The following TGFBR3 variants were observed in gnomAD, a reference collection of about 807,000 sequenced individuals.
The protein encoded by TGFBR3 is transforming growth factor beta receptor type 3.
In TGFBR3, 46 loss-of-function variants were observed where a neutral mutation model predicts 87.9. That is an observed-to-expected ratio of 0.52 (90% confidence interval 0.41 to 0.67). TGFBR3 has a LOEUF of 0.67. Ranked by LOEUF, TGFBR3 falls within the 30% of genes least tolerant of loss-of-function variation. TGFBR3 has a pLI of 0.00. For missense variants in TGFBR3, 866 were observed against 1,041.9 expected, an observed-to-expected ratio of 0.83 and a Z score of 2.32; for synonymous variants, 381 against 391.6, an observed-to-expected ratio of 0.97 and a Z score of 0.32.
At chr1:91,743,763 T>C (rs1673235768) in intron 4 of TGFBR3, among the ~76,000 whole-genome samples, 1 of 152,230 alleles carries the variant, frequency 6.6e-6, no homozygotes, top group Admixed American at 6.5e-5. Context: ...CTGAGAAGGA[T>C]TCTGAGGTCA....
chr1:91,719,168 AT>A, intron 10 of TGFBR3, 143 bp downstream of exon 10: 1 of 1,091,072 alleles, frequency 9.2e-7, no homozygotes. Context: ...AAGTACATCC[AT>A]TTTGTTGAGA....
chr1:91,725,304 T>C (rs567445915), intron 7 of TGFBR3, among the ~76,000 whole-genome samples: 1 of 152,332 alleles, frequency 6.6e-6, no homozygotes, highest in South Asian at 2.1e-4. Flanking sequence ...TCAGACTCCT[T>C]ACAATTCCCT....
At chr1:91,776,578 A>T (rs1199055106) in intron 3 of TGFBR3, among the ~76,000 whole-genome samples, 1 of 152,178 alleles carries the variant, frequency 6.6e-6, no homozygotes, top group East Asian at 1.9e-4. Context: ...GGTGTTGAAA[A>T]AAACAAATAA....
intron 2 of TGFBR3, among the ~76,000 whole-genome samples, chr1:91,839,533 G>A (rs1388545240): frequency 6.6e-6 from 1 of 152,200 alleles, no homozygotes; most frequent in African/African-American, 2.4e-5. Flanking sequence ...AACGTCACTA[G>A]TAATAATTCC....
intron 2 of TGFBR3, among the ~76,000 whole-genome samples, chr1:91,798,005 C>T (rs1277170154): frequency 6.6e-6 from 1 of 152,106 alleles, no homozygotes; most frequent in Non-Finnish European, 1.5e-5. Context: ...GGCCAGAGGT[C>T]AGAAAAATCC....
intron 14 of TGFBR3, among the ~76,000 whole-genome samples, chr1:91,703,079 T>C (rs1374263466): frequency 1.3e-5 from 2 of 151,716 alleles, no homozygotes; most frequent in Admixed American, 6.6e-5. Context: ...AAATACACGA[T>C]GTTAAAAAAA....
chr1:91,773,656 T>C (rs1213213036), intron 3 of TGFBR3, among the ~76,000 whole-genome samples: 1 of 152,248 alleles, frequency 6.6e-6, no homozygotes, highest in East Asian at 1.9e-4. Context: ...CACTCCAGTC[T>C]GGGCAACAGA....
chr1:91,880,356 GT>G (rs1312192604), intron 1 of TGFBR3, among the ~76,000 whole-genome samples: 2 of 152,062 alleles, frequency 1.3e-5, no homozygotes, highest in African/African-American at 4.8e-5. Flanking sequence ...ATCCCAGCAC[GT>G]TGGGAGGCCA....
At chr1:91,846,575 C>A (rs1306451082) in intron 2 of TGFBR3, among the ~76,000 whole-genome samples, 1 of 142,280 alleles carries the variant, frequency 7.0e-6, no homozygotes, top group East Asian at 2.0e-4. Flanking sequence ...TTGAGCTATT[C>A]TTTCACCCTG....
At chr1:91,897,996 T>A (rs1482791325) in intron 2 of TGFBR3, among the ~76,000 whole-genome samples, 1 of 151,376 alleles carries the variant, frequency 6.6e-6, no homozygotes. Context: ...AAGACCAGCC[T>A]GGGCAATATA....
chr1:91,824,709 C>A (rs1310457299), intron 2 of TGFBR3, among the ~76,000 whole-genome samples: 1 of 152,180 alleles, frequency 6.6e-6, no homozygotes, highest in Non-Finnish European at 1.5e-5. Context: ...CACCTGTAAT[C>A]CCAGCACTTT....
intron 3 of TGFBR3, among the ~76,000 whole-genome samples, chr1:91,766,766 T>C (rs1195062184): frequency 7.5e-6 from 1 of 133,936 alleles, no homozygotes; most frequent in African/African-American, 2.8e-5. Flanking sequence ...GGATGTCTGA[T>C]GTTAGAATCC....
chr1:91,738,374 G>GGGGCCT (rs1673036216), intron 4 of TGFBR3, among the ~76,000 whole-genome samples: 1 of 152,182 alleles, frequency 6.6e-6, no homozygotes, highest in African/African-American at 2.4e-5. Context: ...CGTTTCACAT[G>GGGGCCT]GGGCCTGGTG....
At position 91,758,672 on chromosome 1, in the gene TGFBR3, G is replaced by A. The variant is rs770378014; in HGVS notation, c.325C>T (p.Pro109Ser). 6.2e-7 allele frequency: 1 copy of A among 1,614,018 alleles called. No homozygotes were observed. Among genetic ancestry groups the A allele is most frequent in the South Asian group, 1.1e-5 (1 of 91,080 alleles). The change falls in exon 4 of 17, where the codon CCC becomes TCC. Residue 109 changes from proline (P) to serine (S), a missense_variant. By Grantham distance (74) the Pro-to-Ser change is moderately conservative. Coordinates refer to ENST00000212355, the MANE Select transcript of TGFBR3 (RefSeq NM_003243.5). ...SVVFLLNSPH[P>S]LVWHLKTERL... The stretch of plus-strand genomic sequence containing the variant: ...TCTGTCTTCAGATGCCACACCAGGG[G>A]GTGTGGGGAGTTGAGCAGGAACACA...
chr1:91,728,706 G>A (rs1672635878), intron 6 of TGFBR3, among the ~76,000 whole-genome samples: 1 of 152,112 alleles, frequency 6.6e-6, no homozygotes, highest in African/African-American at 2.4e-5. Flanking sequence ...AGTGGCCAGA[G>A]TGGAATCTTA....
intron 3 of TGFBR3, among the ~76,000 whole-genome samples, chr1:91,759,206 A>G (rs1017785953): frequency 1.3e-5 from 2 of 152,052 alleles, no homozygotes; most frequent in African/African-American, 4.8e-5. Context: ...GTAAGCTCCA[A>G]CCTCTATAAA....
At chr1:91,752,560 C>T (rs749619178) in intron 4 of TGFBR3, among the ~76,000 whole-genome samples, 4 of 152,052 alleles carry the variant, frequency 2.6e-5, no homozygotes, top group Non-Finnish European at 4.4e-5. Context: ...GTGACTAAGC[C>T]TGACATAAGT....
At chr1:91,880,688 A>G (rs1268911839) in intron 1 of TGFBR3, among the ~76,000 whole-genome samples, 2 of 152,010 alleles carry the variant, frequency 1.3e-5, no homozygotes, top group East Asian at 3.9e-4. Context: ...GTAACTGTTA[A>G]GACTGAAAAA....
chr1:91,786,707 C>T (rs1172874824), intron 3 of TGFBR3, among the ~76,000 whole-genome samples: 3 of 151,138 alleles, frequency 2.0e-5, no homozygotes, highest in East Asian at 2.0e-4. Context: ...ACCAAGATCG[C>T]GCCAATGCAC....
Sources: gnomAD v4.1 joint callset for allele counts (sites outside exome capture counted in the v4.1 genomes callset) on GRCh38, gnomAD v4.1.1 for gene constraint, MANE v1.5 for transcripts, NCBI Gene and HGNC (gene_info 2026-07-23, HGNC 2026-07-21) for gene names.